MYH8: variants seen among roughly 807,000 people sequenced by gnomAD.
The protein encoded by MYH8 is myosin-8.
MYH8 carries 168 observed loss-of-function variants against 233.2 expected under a neutral mutation model. The observed-to-expected ratio is 0.72, with a 90% CI of 0.64 to 0.82. MYH8 has a LOEUF of 0.82. Among genes scored for constraint, MYH8 ranks in the 40% least tolerant of loss-of-function variants. The pLI is 0.00. For missense variants in MYH8, 1,995 were observed against 2,327.8 expected (o/e 0.86, Z 2.94); for synonymous variants, 785 against 850.6 (o/e 0.92, Z 1.34).
At chr17:10,395,092 T>G in intron 34 of MYH8, 41 bp downstream of exon 34, 1 of 1,608,898 alleles carries the variant, frequency 6.2e-7, no homozygotes, top group Non-Finnish European at 8.5e-7. Context: ...AGACAGGTAC[T>G]TTCCCTGCTT....
rs1391523071 is a variant in MYH8, at chr17:10,414,484, T to C, written c.806A>G (p.Tyr269Cys). The change falls in exon 10 of 40, where the codon TAT becomes TGT. Residue 269 changes from tyrosine to cysteine, a missense_variant and splice_region_variant. Tyr to Cys is a radical substitution (Grantham distance 194, BLOSUM62 -2). Coordinates refer to ENST00000403437, the MANE Select transcript of MYH8 (RefSeq NM_002472.3). ...AGTAACTCTGGACTTTTCTAAAAGA[T>C]CTGGAGAGGGAAATAGATATCGAGT... ...GKLASADIET[Y>C]LLEKSRVTFQ... 1 of 1,591,020 alleles carries C rather than the reference T, an allele frequency of 6.3e-7. No individual in the cohort carries two copies. The highest frequency in any genetic ancestry group is 1.1e-5 in the South Asian group (1 of 90,488).
intron 22 of MYH8, among the ~76,000 whole-genome samples, chr17:10,402,452 A>C (rs1051193785): frequency 6.6e-6 from 1 of 152,158 alleles, no homozygotes; most frequent in Non-Finnish European, 1.5e-5. Flanking sequence ...GGTGAATTTT[A>C]TTTTTTGGAA....
intron 5 of MYH8, 31 bp downstream of exon 5, chr17:10,418,614 A>G (rs1466139422): frequency 1.2e-6 from 2 of 1,613,268 alleles, no homozygotes; most frequent in Non-Finnish European, 1.7e-6. Flanking sequence ...CTATTTACAC[A>G]TTTCTGTAAA....
chr17:10,397,108 G>C lies in MYH8; in HGVS notation c.4179-122C>G, dbSNP rs1031205386. 1.5e-5 allele frequency: 18 copies of C among 1,223,478 alleles called. No homozygotes were observed. The South Asian group carries it at 2.3e-4, about 15-fold the overall frequency. The allele number at this position is 1,223,478 out of a possible 1,614,324, so 75.8% of individuals were successfully genotyped here. On this transcript the variant is annotated intron_variant, in intron 30 of 39. Coordinates refer to ENST00000403437, the MANE Select transcript of MYH8 (RefSeq NM_002472.3). ...CTTTTGTTTCTTTTTTTGAGAGACG[G>C]AGTCTCGCTCTGTCGCCCATGCTGG...
At chr17:10,414,986 T>G (rs1297981856) in intron 9 of MYH8, 130 bp downstream of exon 9, 1 of 844,650 alleles carries the variant, frequency 1.2e-6, no homozygotes, top group Non-Finnish European at 2.1e-6. Context: ...AGCCTAGCAT[T>G]AGCTTACAGG....
In MYH8 at chr17:10,392,591, A is replaced by G. The variant is rs79577802; in HGVS notation, c.5519T>C (p.Val1840Ala). The change falls in exon 38 of 40, where the codon GTT (valine) becomes GCT (alanine). Residue 1840 changes from valine to alanine, a missense_variant. Around this residue, in one of 3 missense-constraint regions of MYH8, gnomAD observed 1,498 missense variants for 1,680.9 expected, o/e 0.89. Coordinates refer to ENST00000403437, the MANE Select transcript of MYH8 (RefSeq NM_002472.3). The part of the protein sequence containing the change: ...ENEQKRNAEA[V>A]KGLRKHERRV... ...TCGCTCATGTTTCCGTAAACCTTTA[A>G]CAGCCTCTGCATTACGTTTCTGTTC... 5.0e-6 allele frequency: 8 copies of G among 1,614,024 alleles called. No individual in the cohort carries two copies. The highest frequency in any genetic ancestry group is 6.8e-6 in the Non-Finnish European group (8 of 1,180,016).
chr17:10,397,217 C>G (rs1485843923), intron 30 of MYH8, among the ~76,000 whole-genome samples: 1 of 152,184 alleles, frequency 6.6e-6, no homozygotes, highest in African/African-American at 2.4e-5. Context: ...GCTGGGATTA[C>G]AGATGTGCAC....
chr17:10,407,185 A>G (rs1316587378), intron 17 of MYH8, among the ~76,000 whole-genome samples: 1 of 152,186 alleles, frequency 6.6e-6, no homozygotes, highest in African/African-American at 2.4e-5. Context: ...CACATCTCCA[A>G]GGTATTCCTT....
In MYH8 at chr17:10,419,158, A is replaced by G. The variant is rs2072315049; in HGVS notation, c.211-128T>C. On this transcript the variant is annotated intron_variant, in intron 3 of 39. Transcript: ENST00000403437. This position sits in a 1 kb window ranked among gnomAD's most constrained non-coding sequence, Gnocchi z 4.0. ...CTGCAACCTCCGCCCTCCTGCTTCA[A>G]GTGATTGTCCTGCCTCAGCCTTCTG... 2 of 1,113,250 alleles carry G rather than the reference A, an allele frequency of 1.8e-6. No homozygotes were observed. Among genetic ancestry groups the G allele is most frequent in the Admixed American group, 4.0e-5 (2 of 50,286 alleles). 69.0% of individuals were successfully genotyped at this position (1,113,250 alleles called of 1,614,324 possible).
Position 10,396,226 on chromosome 17 carries a change from G to GTC in MYH8, c.4653+102_4653+103dup. 7.4e-7 allele frequency: 1 copy of GTC among 1,348,814 alleles called. No individual in the cohort carries two copies. The highest frequency in any genetic ancestry group is 2.4e-5 in the East Asian group (1 of 42,224). 83.6% of individuals were successfully genotyped at this position (1,348,814 alleles called of 1,614,324 possible). On this transcript the variant is annotated intron_variant, in intron 33 of 39. Transcript: ENST00000403437. This position sits in a 1 kb window ranked among gnomAD's most constrained non-coding sequence, Gnocchi z 4.2. ...GGATTTTGATAACTATTGCCAAGTT[G>GTC]TCCTTCATAAAGATCCTGTGAGTTT...
At chr17:10,407,487 G>GT (rs1491119299) in intron 17 of MYH8, among the ~76,000 whole-genome samples, 3 of 152,144 alleles carry the variant, frequency 2.0e-5, no homozygotes, top group African/African-American at 7.2e-5. Flanking sequence ...CCTTCCTTGA[G>GT]TGTAATATTT....
intron 27 of MYH8, 48 bp from the exon 28 acceptor site, chr17:10,399,717 AG>A: frequency 6.2e-7 from 1 of 1,611,232 alleles, no homozygotes. Context: ...TGCAATAAAA[AG>A]GTTAAAACTT....
At chr17:10,406,854 C>A (rs372889562) in intron 18 of MYH8, 38 bp downstream of exon 18, 367 of 1,613,132 alleles carry the variant, frequency 2.3e-4, no homozygotes, top group Middle Eastern at 3.3e-4. Context: ...AACTTTCAAA[C>A]CTGTGCCCGT....
At position 10,391,970 on chromosome 17, in the gene MYH8, T is replaced by C. The variant is rs1422113193; in HGVS notation, c.5576A>G (p.Glu1859Gly). 1 of 1,613,926 alleles carries C rather than the reference T, an allele frequency of 6.2e-7. No homozygotes were observed. Among genetic ancestry groups the C allele is most frequent in the Non-Finnish European group, 8.5e-7 (1 of 1,179,780 alleles). The change falls in exon 39 of 40, where the codon GAA becomes GGA. Residue 1859 changes from glutamate to glycine, a missense_variant. Coordinates refer to ENST00000403437, the MANE Select transcript of MYH8 (RefSeq NM_002472.3). ...CAGCCTGAGAACATTCTTGCGATCT[T>C]CTTCAGTCTGAAAGTTTGAAAAAAA... ...RVKELTYQTE[E>G]DRKNVLRLQD...
chr17:10,413,750 G>A (rs2072264888), intron 12 of MYH8, 152 bp downstream of exon 12: 2 of 1,141,330 alleles, frequency 1.8e-6, no homozygotes, highest in Non-Finnish European at 2.6e-6. Context: ...ATGTAAGGAA[G>A]AGAGGGGGTG....
At position 10,404,374 on chromosome 17, in the gene MYH8, T is replaced by C; in HGVS notation, c.2644A>G (p.Thr882Ala). ...AGGTCATTTTTCTCTTTTAAGAGAG[T>C]GACCATTTTTTCCTCTAGCTCCTTC... is the stretch of plus-strand genomic sequence containing the variant. ...KRKELEEKMV[T>A]LLKEKNDLQL... is the part of the protein sequence containing the mutation. The change falls in exon 22 of 40, where the codon ACT becomes GCT. Residue 882 changes from threonine to alanine, a missense_variant. Physicochemically the swap from Thr to Ala is moderately conservative, Grantham distance 58. Coordinates refer to ENST00000403437, the MANE Select transcript of MYH8 (RefSeq NM_002472.3). The C allele has an allele frequency of 1.2e-6, 2 of 1,613,872 alleles. No individual in the cohort carries two copies. Among genetic ancestry groups the C allele is most frequent in the Non-Finnish European group, 1.7e-6 (2 of 1,179,910 alleles).
chr17:10,414,538 A>G (rs1443736721), intron 9 of MYH8, 54 bp from the exon 10 acceptor site: 1 of 1,214,860 alleles, frequency 8.2e-7, no homozygotes, highest in Non-Finnish European at 1.2e-6. Flanking sequence ...CTTCTGAGAT[A>G]GTAAATGAAC....
At chr17:10,411,741 C>T (rs1811955063) in intron 14 of MYH8, among the ~76,000 whole-genome samples, 2 of 152,166 alleles carry the variant, frequency 1.3e-5, no homozygotes, top group South Asian at 4.1e-4. Context: ...GGTAATTTCT[C>T]TTCTATTTAT....
At chr17:10,406,249 C>T in intron 20 of MYH8, 25 bp downstream of exon 20, 1 of 1,614,044 alleles carries the variant, frequency 6.2e-7, no homozygotes, top group Non-Finnish European at 8.5e-7. Flanking sequence ...GTACTTGGAT[C>T]AGGTGTAAAT....
Sources: gnomAD v4.1 joint callset for allele counts (sites outside exome capture counted in the v4.1 genomes callset) on GRCh38, gnomAD v4.1.1 for gene constraint, gnomAD v4.1.1 regional missense constraint, Gnocchi (gnomAD v3.1) non-coding constraint, MANE v1.5 for transcripts, NCBI Gene and HGNC (gene_info 2026-07-23, HGNC 2026-07-21) for gene names.